The following VPS53 variants were observed in gnomAD, a reference collection of about 807,000 sequenced individuals.
VPS53 encodes VPS53 subunit of GARP complex, also known as vacuolar protein sorting-associated protein 53 homolog.
A neutral mutation model predicts 107.0 loss-of-function variants in VPS53; 70 were observed. That is an observed-to-expected ratio of 0.65 (90% CI 0.54 to 0.80). The LOEUF (loss-of-function observed/expected upper bound fraction) is 0.80, where lower values mean the gene tolerates loss of function less well. Among genes scored for constraint, VPS53 ranks in the 30% least tolerant of loss-of-function variants. VPS53 has a pLI of 0.00. For synonymous variants in VPS53, 409 were observed against 393.3 expected, an observed-to-expected ratio of 1.04 and a Z score of -0.47; for missense variants, 917 against 1,049.4, an observed-to-expected ratio of 0.87 and a Z score of 1.74.
chr17:707,030 CA>C (rs1433738969), intron 2 of VPS53, among the ~76,000 whole-genome samples: 1 of 152,258 alleles, frequency 6.6e-6, no homozygotes, highest in Non-Finnish European at 1.5e-5. Context: ...CCTACAGCAG[CA>C]ACCTCCAGAG....
At chr17:554,411 C>CT (rs1245743788) in intron 15 of VPS53, among the ~76,000 whole-genome samples, 7 of 151,306 alleles carry the variant, frequency 4.6e-5, no homozygotes, top group African/African-American at 9.7e-5. Flanking sequence ...ATGTTTTGGC[C>CT]TTTTTTTTTG....
At chr17:642,325 C>T (rs1380494500) in intron 7 of VPS53, among the ~76,000 whole-genome samples, 9 of 151,844 alleles carry the variant, frequency 5.9e-5, no homozygotes, top group Admixed American at 5.2e-4. Flanking sequence ...ACTTGGAAAG[C>T]GAGGACAACA....
At chr17:607,091 C>G (rs559705949) in intron 11 of VPS53, among the ~76,000 whole-genome samples, 2 of 152,186 alleles carry the variant, frequency 1.3e-5, no homozygotes, top group African/African-American at 2.4e-5. Context: ...GAGGGCAAGG[C>G]TCAGCAAGGG....
chr17:679,221 G>C (rs1420587334), intron 4 of VPS53, among the ~76,000 whole-genome samples: 2 of 151,864 alleles, frequency 1.3e-5, no homozygotes, highest in Admixed American at 1.3e-4. Context: ...ATAAAATTAA[G>C]AATGAAAAGA....
intron 15 of VPS53, among the ~76,000 whole-genome samples, chr17:554,353 G>C (rs1458604523): frequency 6.6e-6 from 1 of 152,174 alleles, no homozygotes; most frequent in Non-Finnish European, 1.5e-5. Context: ...CCTGGGAGTT[G>C]ATTAATCTAG....
rs867082359 is a variant in VPS53 at position 532,600 on chromosome 17, G to A, written c.2085+242C>T. Reference sequence around the variant, plus strand: ...TTGGAGTGTGAGCACTAGGAGCAGGGACCTTTCCATGGTGCTTGCTGTGTT... The same window carrying A: ...TTGGAGTGTGAGCACTAGGAGCAGGAACCTTTCCATGGTGCTTGCTGTGTT... On this transcript the variant is annotated intron_variant, in intron 19 of 21. Coordinates refer to ENST00000437048, the MANE Select transcript of VPS53 (RefSeq NM_001128159.3). 45 of 966,598 alleles carry A rather than the reference G, an allele frequency of 4.7e-5. No homozygotes were observed. In the African/African-American group the frequency reaches 6.5e-4, roughly 14 times the overall value. 59.9% of individuals were successfully genotyped at this position (966,598 alleles called of 1,614,324 possible).
intron 17 of VPS53, among the ~76,000 whole-genome samples, chr17:548,851 G>A (rs764497570): frequency 3.3e-5 from 5 of 152,188 alleles, no homozygotes; most frequent in East Asian, 1.9e-4. Flanking sequence ...TGTTTGAACT[G>A]CCCTACTAAT....
At chr17:561,644 T>TA (rs1218682805) in intron 14 of VPS53, among the ~76,000 whole-genome samples, 2 of 152,226 alleles carry the variant, frequency 1.3e-5, no homozygotes, top group African/African-American at 4.8e-5. Flanking sequence ...TTTATTTATT[T>TA]TTTAGGGCGG....
intron 11 of VPS53, among the ~76,000 whole-genome samples, chr17:607,916 G>A (rs10521107): frequency 0.35 from 52,860 of 151,940 alleles, 11,019 homozygotes; most frequent in Non-Finnish European, 0.47. Context: ...TCCGTATCTC[G>A]TCTGCCTACA....
At chr17:599,616 GAA>G (rs1968225520) in intron 12 of VPS53, among the ~76,000 whole-genome samples, 1 of 149,974 alleles carries the variant, frequency 6.7e-6, no homozygotes, top group Admixed American at 6.7e-5. Context: ...AAACACTGCG[GAA>G]GGCCTCAGGG....
intron 9 of VPS53, among the ~76,000 whole-genome samples, chr17:627,700 C>T (rs931030894): frequency 2.0e-5 from 3 of 151,956 alleles, no homozygotes; most frequent in East Asian, 1.9e-4. Context: ...TGCTTGAACC[C>T]GGGAGGCAAG....
At chr17:643,496 A>T (rs183737224) in intron 7 of VPS53, among the ~76,000 whole-genome samples, 2 of 122,736 alleles carry the variant, frequency 1.6e-5, no homozygotes, top group African/African-American at 3.0e-5. Context: ...CTTGGAAATC[A>T]AGGACAACAC....
At chr17:577,857 A>G (rs1914767201) in intron 13 of VPS53, among the ~76,000 whole-genome samples, 1 of 151,348 alleles carries the variant, frequency 6.6e-6, no homozygotes, top group South Asian at 2.1e-4. Flanking sequence ...GTGCATTACC[A>G]GAGAACCACC....
intron 2 of VPS53, among the ~76,000 whole-genome samples, chr17:704,522 C>G (rs1973327260): frequency 6.6e-6 from 1 of 152,198 alleles, no homozygotes; most frequent in Admixed American, 6.5e-5. Context: ...AGTTAAATTT[C>G]AAGCTATGCC....
intron 12 of VPS53, among the ~76,000 whole-genome samples, chr17:588,658 G>T (rs1235989488): frequency 6.6e-6 from 1 of 152,108 alleles, no homozygotes; most frequent in African/African-American, 2.4e-5. Context: ...TCCTTCCTAA[G>T]AATAAATACA....
chr17:564,772 G>C (rs1214592488), intron 13 of VPS53, among the ~76,000 whole-genome samples: 1 of 151,892 alleles, frequency 6.6e-6, no homozygotes, highest in African/African-American at 2.4e-5. Flanking sequence ...ACTTGCCTCA[G>C]GCCACAGTGG....
In VPS53 at chr17:517,609, T is replaced by C. The variant is rs2151789411; in HGVS notation, c.*1519A>G. On this transcript the variant is annotated 3_prime_UTR_variant, in exon 22 of 22. Coordinates refer to ENST00000437048, the MANE Select transcript of VPS53 (RefSeq NM_001128159.3). ...ATCTTGGCTCACTGCAGCCTCCACC[T>C]CCCGGGTTTAAGTGATTCTCCTGCC... The C allele has an allele frequency of 2.6e-6, 1 of 387,856 alleles. No homozygotes were observed. The highest frequency in any genetic ancestry group is 3.7e-5 in the East Asian group (1 of 27,228). 24.0% of individuals were successfully genotyped at this position (387,856 alleles called of 1,614,324 possible).
At position 597,977 on chromosome 17, in the gene VPS53, C is replaced by CGGTCTCCCTCTCCCCAT. The variant is rs1262666480; in HGVS notation, c.1218+3817_1218+3818insATGGGGAGAGGGAGACC. Among the ~76,000 whole-genome samples, 54 of 149,958 alleles carry CGGTCTCCCTCTCCCCAT rather than the reference C, an allele frequency of 3.6e-4. No individual in the cohort carries two copies. The East Asian group carries it at 4.7e-3, about 13-fold the overall frequency. On this transcript the variant is annotated intron_variant, in intron 12 of 21. Coordinates refer to ENST00000437048, the MANE Select transcript of VPS53 (RefSeq NM_001128159.3). ...CTCCCTCTCCCTCTCCCTCTCCCCACGGTCTCCCTCTCCCTCTCTTTCCAC... is the reference window on the plus strand; with the variant it reads ...CTCCCTCTCCCTCTCCCTCTCCCCACGGTCTCCCTCTCCCCATGGTCTCCCTCTCCCTCTCTTTCCAC...
chr17:535,461 C>T (rs984444932), intron 18 of VPS53, among the ~76,000 whole-genome samples: 2 of 150,200 alleles, frequency 1.3e-5, no homozygotes, highest in Admixed American at 6.6e-5. Flanking sequence ...AGCAGGGAGA[C>T]GCCGGGACTG....
Sources: allele counts gnomAD v4.1 joint callset (sites outside exome capture counted in the v4.1 genomes callset), GRCh38; gene constraint gnomAD v4.1.1; transcripts MANE v1.5; gene names NCBI Gene and HGNC (gene_info 2026-07-23, HGNC 2026-07-21).